The following NEK6 variants were observed in gnomAD, a reference collection of about 807,000 sequenced individuals.
The protein encoded by NEK6 is serine/threonine-protein kinase Nek6.
In NEK6, 27 loss-of-function variants were observed where a neutral mutation model predicts 43.5. The ratio of observed to expected loss-of-function variants is 0.62; its 90% CI spans 0.46 to 0.86. NEK6 has a LOEUF of 0.86. Ranked by LOEUF, NEK6 falls within the 40% of genes least tolerant of loss-of-function variation. The probability of loss-of-function intolerance (pLI) is 0.00; values close to 1 mark genes in which losing one functional copy is unlikely to be tolerated. For missense variants in NEK6, 318 were observed against 414.4 expected (o/e 0.77, Z 2.02); for synonymous variants, 167 against 164.1 (o/e 1.02, Z -0.14).
In NEK6 at chr9:124,326,310, G is replaced by T; in HGVS notation, c.406-20G>T. ...CCCGCTCACCCGGGCCTATCCCTCT[G>T]CTTGTCTCCCCCACTGCAGTACTTT... On this transcript the variant is annotated intron_variant, in intron 5 of 9. Coordinates refer to ENST00000320246, the MANE Select transcript of NEK6 (RefSeq NM_014397.6). This position sits in a 1 kb window ranked among gnomAD's most constrained non-coding sequence, Gnocchi z 4.5. 6.4e-7 allele frequency: 1 copy of T among 1,566,014 alleles called. No homozygotes were observed.
chr9:124,313,982 G>A lies in NEK6; in HGVS notation c.291G>A (p.Leu97=), dbSNP rs1460437841. Residue 97 remains leucine, a synonymous_variant, in exon 4 of 10, where the codon TTG becomes TTA. Coordinates refer to ENST00000320246, the MANE Select transcript of NEK6 (RefSeq NM_014397.6). ...ACTGTGTCAAGGAGATCGGCCTCTTGAAGGTGAGCACCCTGGGCCGAGCGG... is the reference window on the plus strand; with the variant it reads ...ACTGTGTCAAGGAGATCGGCCTCTTAAAGGTGAGCACCCTGGGCCGAGCGG... ...RQDCVKEIGL[L]KQLNHPNIIK... is the part of the protein sequence containing the mutation. The A allele has an allele frequency of 5.6e-6, 9 of 1,614,054 alleles. No individual in the cohort carries two copies. The highest frequency in any genetic ancestry group is 6.8e-6 in the Non-Finnish European group (8 of 1,180,002).
rs757360093 is a variant in NEK6, at chr9:124,275,155, T to C, written c.-30+17070T>C. Among the ~76,000 whole-genome samples the C allele has an allele frequency of 6.6e-6, 1 of 152,108 alleles. No homozygotes were observed. Among genetic ancestry groups the C allele is most frequent in the Non-Finnish European group, 1.5e-5 (1 of 68,004 alleles). On this transcript the variant is annotated intron_variant, in intron 1 of 9. Coordinates refer to ENST00000320246, the MANE Select transcript of NEK6 (RefSeq NM_014397.6). The surrounding 1 kb of genome is among the most constrained non-coding windows in gnomAD (Gnocchi z 4.4). Reference sequence around the variant, plus strand: ...ATTCCACAGATAACAGAAGGAAGGATTGATGAAGGCTCTGCAGCCCCCAAA... The same window carrying C: ...ATTCCACAGATAACAGAAGGAAGGACTGATGAAGGCTCTGCAGCCCCCAAA...
In NEK6 at chr9:124,275,167, C is replaced by T. The variant is rs1330584261; in HGVS notation, c.-30+17082C>T. On this transcript the variant is annotated intron_variant, in intron 1 of 9. Transcript: ENST00000320246. The surrounding 1 kb of genome is among the most constrained non-coding windows in gnomAD (Gnocchi z 4.4). Reference sequence around the variant, plus strand: ...ACAGAAGGAAGGATTGATGAAGGCTCTGCAGCCCCCAAAGAGCCAACAGTT... The same window carrying T: ...ACAGAAGGAAGGATTGATGAAGGCTTTGCAGCCCCCAAAGAGCCAACAGTT... Among the ~76,000 whole-genome samples the T allele has an allele frequency of 1.3e-5, 2 of 152,214 alleles. No individual in the cohort carries two copies. The highest frequency in any genetic ancestry group is 4.8e-5 in the African/African-American group (2 of 41,448).
intron 1 of NEK6, 57 bp from the exon 2 acceptor site, chr9:124,301,879 C>T (rs532787895): frequency 3.3e-5 from 46 of 1,396,074 alleles, no homozygotes; most frequent in Non-Finnish European, 4.4e-5. Context: ...GCGAAAGTCC[C>T]TCCTCCTTCT....
chr9:124,323,214 G>T (rs1356652474), intron 5 of NEK6, among the ~76,000 whole-genome samples: 1 of 152,238 alleles, frequency 6.6e-6, no homozygotes. Context: ...TGCAGGGCCT[G>T]TGGGAGTCAG....
At chr9:124,281,750 C>CG (rs2118990173) in intron 1 of NEK6, among the ~76,000 whole-genome samples, 1 of 152,260 alleles carries the variant, frequency 6.6e-6, no homozygotes, top group African/African-American at 2.4e-5. Flanking sequence ...CTGCCTACCT[C>CG]GGCCTCCCAA....
chr9:124,316,000 C>T (rs151231280), intron 4 of NEK6, among the ~76,000 whole-genome samples: 3 of 152,338 alleles, frequency 2.0e-5, no homozygotes, highest in Admixed American at 6.5e-5. Flanking sequence ...GTGGTACGCT[C>T]GCCGCCCAAG....
chr9:124,291,854 G>A lies in NEK6; in HGVS notation c.-29-10082G>A, dbSNP rs1832435876. On this transcript the variant is annotated intron_variant, in intron 1 of 9. Coordinates refer to ENST00000320246, the MANE Select transcript of NEK6 (RefSeq NM_014397.6). ...ACAAGTTCCATTCACTTTGGAGGTG[G>A]CAGCCGGAGCTATTTTTAGAGCAGC... 5 of 985,542 alleles carry A rather than the reference G, an allele frequency of 5.1e-6. No individual in the cohort carries two copies. In the African/African-American group the frequency reaches 8.7e-5, roughly 17 times the overall value. The allele number at this position is 985,542 out of a possible 1,614,324, so 61.0% of individuals were successfully genotyped here. A position where few individuals can be genotyped will look rare whatever the true frequency, so the allele number is the denominator to read the frequency against.
intron 4 of NEK6, among the ~76,000 whole-genome samples, chr9:124,320,369 A>T (rs1274889714): frequency 6.6e-6 from 1 of 152,226 alleles, no homozygotes; most frequent in Non-Finnish European, 1.5e-5. Flanking sequence ...GAATGAATGA[A>T]TAGGGGCTTG....
chr9:124,260,843 G>A (rs974322906), intron 1 of NEK6, among the ~76,000 whole-genome samples: 13 of 152,206 alleles, frequency 8.5e-5, no homozygotes, highest in African/African-American at 2.4e-4. Flanking sequence ...GAGAGAATGC[G>A]CCAAAGACCA....
At chr9:124,263,444 C>T (rs974997662) in intron 1 of NEK6, among the ~76,000 whole-genome samples, 3 of 152,204 alleles carry the variant, frequency 2.0e-5, no homozygotes, top group Non-Finnish European at 2.9e-5. Flanking sequence ...TGAGCCTCAG[C>T]GTCATCATCT....
chr9:124,325,717 AAT>A (rs1834300240), intron 5 of NEK6, among the ~76,000 whole-genome samples: 1 of 152,192 alleles, frequency 6.6e-6, no homozygotes, highest in South Asian at 2.1e-4. Flanking sequence ...TGGAGCACTA[AAT>A]ATGTTTTCCC....
intron 1 of NEK6, among the ~76,000 whole-genome samples, chr9:124,299,702 C>T (rs1475516453): frequency 1.3e-5 from 2 of 152,102 alleles, no homozygotes; most frequent in Non-Finnish European, 2.9e-5. Context: ...CAGGTGCACC[C>T]ATAATGCCCC....
chr9:124,292,798 C>T, intron 1 of NEK6: 1 of 1,386,992 alleles, frequency 7.2e-7, no homozygotes, highest in East Asian at 2.5e-5. Flanking sequence ...CTGCTGGGGC[C>T]ATGGAGAGAG....
chr9:124,331,968 C>G (rs567971767), intron 7 of NEK6, among the ~76,000 whole-genome samples: 25 of 152,340 alleles, frequency 1.6e-4, no homozygotes, highest in African/African-American at 5.5e-4. Context: ...GATCTCAGGC[C>G]TGAGTTTCAG....
chr9:124,298,083 C>G (rs2119107342), intron 1 of NEK6, among the ~76,000 whole-genome samples: 1 of 152,326 alleles, frequency 6.6e-6, no homozygotes, highest in Admixed American at 6.5e-5. Flanking sequence ...GCTTATCAGC[C>G]TAATGGCATC....
At chr9:124,280,974 A>C (rs1259742434) in intron 1 of NEK6, among the ~76,000 whole-genome samples, 5 of 152,004 alleles carry the variant, frequency 3.3e-5, no homozygotes, top group Admixed American at 3.3e-4. Flanking sequence ...TTTTTTGTGG[A>C]GATGGGGTTT....
intron 1 of NEK6, among the ~76,000 whole-genome samples, chr9:124,295,441 A>G (rs1481180446): frequency 6.6e-6 from 1 of 152,098 alleles, no homozygotes; most frequent in African/African-American, 2.4e-5. Context: ...GGGCTGGGGA[A>G]GGGCCCAGCA....
At chr9:124,298,457 A>G (rs77758665) in intron 1 of NEK6, among the ~76,000 whole-genome samples, 3 of 151,874 alleles carry the variant, frequency 2.0e-5, no homozygotes, top group Non-Finnish European at 4.4e-5. Context: ...GTGCTGCATC[A>G]GCTTGCTGTG....
Sources: allele counts gnomAD v4.1 joint callset (sites outside exome capture counted in the v4.1 genomes callset), GRCh38; gene constraint gnomAD v4.1.1; non-coding constraint Gnocchi (gnomAD v3.1); transcripts MANE v1.5; gene names NCBI Gene and HGNC (gene_info 2026-07-23, HGNC 2026-07-21).